Variants in NAA35 observed in about 807,000 individuals in gnomAD.
NAA35 encodes N-alpha-acetyltransferase 35, NatC auxiliary subunit, also known as MAK10 homolog, amino-acid N-acetyltransferase subunit.
A neutral mutation model predicts 101.7 loss-of-function variants in NAA35; 18 were observed. That is an observed-to-expected ratio of 0.18 (90% confidence interval 0.12 to 0.26). The LOEUF is 0.26. NAA35 is among the 10% of genes least tolerant of loss of function. The pLI, the probability that NAA35 is intolerant of heterozygous loss-of-function variation, is 1.00. For synonymous variants in NAA35, 267 were observed against 273.1 expected (o/e 0.98, Z 0.22); for missense variants, 601 against 886.8 (o/e 0.68, Z 4.09).
chr9:85,982,597 A>G (rs1291653480), intron 11 of NAA35, among the ~76,000 whole-genome samples: 1 of 152,160 alleles, frequency 6.6e-6, no homozygotes, highest in Non-Finnish European at 1.5e-5. Flanking sequence ...AATGGAAATA[A>G]TATATTTAAA....
chr9:85,992,533 A>G (rs1343238283), intron 11 of NAA35, among the ~76,000 whole-genome samples: 1 of 152,168 alleles, frequency 6.6e-6, no homozygotes, highest in Non-Finnish European at 1.5e-5. Context: ...CATTTTGCTG[A>G]TAGTGTGCAA....
rs955456283 is a variant in NAA35, at chr9:85,941,365, C to T, written c.-6+92C>T. On this transcript the variant is annotated intron_variant, in intron 1 of 22. Transcript: ENST00000361671. ...GCGCGTGTGGCAGATCCTGGGGACC[C>T]CAGGTCACCCTGCGGCCCCGGCCCT... The T allele has an allele frequency of 1.8e-5, 18 of 985,444 alleles. No individual in the cohort carries two copies. In the African/African-American group the frequency reaches 3.1e-4, roughly 17 times the overall value. 61.0% of individuals were successfully genotyped at this position (985,444 alleles called of 1,614,324 possible). A position where few individuals can be genotyped will look rare whatever the true frequency, so the allele number is the denominator to read the frequency against.
At chr9:85,993,226 G>A (rs1831000380) in intron 11 of NAA35, among the ~76,000 whole-genome samples, 1 of 152,224 alleles carries the variant, frequency 6.6e-6, no homozygotes, top group Non-Finnish European at 1.5e-5. Flanking sequence ...AGACTGGGGT[G>A]CAGTGGCGCA....
intron 22 of NAA35, among the ~76,000 whole-genome samples, 178 bp from the exon 23 acceptor site, chr9:86,021,723 A>G (rs1832567349): frequency 6.6e-6 from 1 of 152,210 alleles, no homozygotes; most frequent in Non-Finnish European, 1.5e-5. Context: ...AAACAAATTA[A>G]TCGTTTTTCT....
intron 12 of NAA35, among the ~76,000 whole-genome samples, chr9:85,999,479 TAAGCAACAGGGCTG>T (rs1165481952): frequency 2.0e-5 from 3 of 152,230 alleles, no homozygotes; most frequent in Non-Finnish European, 4.4e-5. Flanking sequence ...ATTTTTTTAG[TAAGCAACAGGGCTG>T]ACTTGGGTTG....
rs1272765986 is a variant in NAA35 at position 86,024,964 on chromosome 9, A to G, written c.*3004A>G. ...GGAATAGACTTGGGAGGGCCAGGGA[A>G]TGGGGAGGCCACTGAGGTGGTGGGA... On this transcript the variant is annotated 3_prime_UTR_variant, in exon 23 of 23. Coordinates refer to ENST00000361671, the MANE Select transcript of NAA35 (RefSeq NM_024635.4). Among the ~76,000 whole-genome samples the G allele has an allele frequency of 6.6e-6, 1 of 152,052 alleles. No individual in the cohort carries two copies. The highest frequency in any genetic ancestry group is 2.4e-5 in the African/African-American group (1 of 41,430).
chr9:86,020,645 A>G (rs1455934822), intron 21 of NAA35, among the ~76,000 whole-genome samples: 1 of 152,210 alleles, frequency 6.6e-6, no homozygotes, highest in African/African-American at 2.4e-5. Flanking sequence ...CGAGTTCAAG[A>G]CCAGCCTGGG....
At chr9:85,977,732 C>T (rs1025477097) in intron 10 of NAA35, among the ~76,000 whole-genome samples, 2 of 151,994 alleles carry the variant, frequency 1.3e-5, no homozygotes, top group Non-Finnish European at 2.9e-5. Flanking sequence ...TTTAGGTAGG[C>T]CTAGTCTTAC....
At chr9:85,991,551 T>C (rs570425960) in intron 11 of NAA35, among the ~76,000 whole-genome samples, 1 of 152,110 alleles carries the variant, frequency 6.6e-6, no homozygotes, top group African/African-American at 2.4e-5. Flanking sequence ...ATGTGGGAAG[T>C]TGTAGCCTAA....
chr9:85,985,546 T>C (rs1830611609), intron 11 of NAA35, among the ~76,000 whole-genome samples: 1 of 152,142 alleles, frequency 6.6e-6, no homozygotes, highest in African/African-American at 2.4e-5. Context: ...GGCAAATCCA[T>C]AGAGACAAAG....
chr9:85,995,989 T>C (rs1235719346), intron 11 of NAA35, among the ~76,000 whole-genome samples: 1 of 152,184 alleles, frequency 6.6e-6, no homozygotes, highest in Non-Finnish European at 1.5e-5. Flanking sequence ...TTCTACTGTT[T>C]AGTAATTGAG....
chr9:85,950,733 C>T (rs145461703), intron 2 of NAA35, among the ~76,000 whole-genome samples: 84 of 152,274 alleles, frequency 5.5e-4, no homozygotes, highest in Admixed American at 1.2e-3. Flanking sequence ...CCAAACTTTT[C>T]GGTCTTAGGA....
intron 1 of NAA35, 165 bp from the exon 2 acceptor site, chr9:85,941,990 T>C: frequency 1.6e-6 from 2 of 1,236,814 alleles, no homozygotes; most frequent in Non-Finnish European, 1.1e-6. Flanking sequence ...TGCGATTTGA[T>C]TGCATTAAGG....
At chr9:85,952,073 T>TG (rs1294915315) in intron 2 of NAA35, among the ~76,000 whole-genome samples, 1 of 152,192 alleles carries the variant, frequency 6.6e-6, no homozygotes, top group African/African-American at 2.4e-5. Flanking sequence ...AGACTTACAG[T>TG]GGCAGATACG....
chr9:85,993,800 G>A (rs1365270927), intron 11 of NAA35, among the ~76,000 whole-genome samples: 2 of 151,876 alleles, frequency 1.3e-5, no homozygotes, highest in African/African-American at 4.8e-5. Flanking sequence ...GTAAGAATGA[G>A]ATTTTCAAAA....
At position 86,023,158 on chromosome 9, in the gene NAA35, G is replaced by T. The variant is rs1317361520; in HGVS notation, c.*1198G>T. ...CTCTTTGCAGCTAATGAGCCCTCTT[G>T]GCTCTCCTTTCCAAGAGCGGTAATA... On this transcript the variant is annotated 3_prime_UTR_variant, in exon 23 of 23. Coordinates refer to ENST00000361671, the MANE Select transcript of NAA35 (RefSeq NM_024635.4). 6.6e-6 allele frequency among the ~76,000 whole-genome samples: 1 copy of T among 152,086 alleles called. No individual in the cohort carries two copies. The highest frequency in any genetic ancestry group is 1.5e-5 in the Non-Finnish European group (1 of 68,030).
rs141689286 is a variant in NAA35, at chr9:86,001,514, G to C, written c.1057-2071G>C. Among the ~76,000 whole-genome samples, 152 of 152,258 alleles carry C rather than the reference G, an allele frequency of 1.0e-3. 4 individuals are homozygous for C. The highest frequency in any genetic ancestry group is 7.3e-3 in the East Asian group (38 of 5,174). On this transcript the variant is annotated intron_variant, in intron 12 of 22. Coordinates refer to ENST00000361671, the MANE Select transcript of NAA35 (RefSeq NM_024635.4). The stretch of plus-strand genomic sequence containing the variant: ...AGTCTCCCACTGTTGTTATGTGGGA[G>C]TCTGTGTCTCTTTGTAGGTCTGTAA...
chr9:85,941,634 G>T, intron 1 of NAA35: 1 of 986,164 alleles, frequency 1.0e-6, no homozygotes, highest in Non-Finnish European at 1.2e-6. Context: ...CCCGGCCGGC[G>T]GGACCCTGCG....
intron 6 of NAA35, among the ~76,000 whole-genome samples, chr9:85,962,773 C>A (rs553464452): frequency 6.6e-6 from 1 of 151,994 alleles, no homozygotes; most frequent in Non-Finnish European, 1.5e-5. Flanking sequence ...TGTGGGGATT[C>A]CCAGAGAAAA....
Sources: gnomAD v4.1 joint callset for allele counts (sites outside exome capture counted in the v4.1 genomes callset) on GRCh38, gnomAD v4.1.1 for gene constraint, MANE v1.5 for transcripts, NCBI Gene and HGNC (gene_info 2026-07-23, HGNC 2026-07-21) for gene names.